The following CFAP299 variants were observed in gnomAD, a reference collection of about 807,000 sequenced individuals.
The protein encoded by CFAP299 is cilia- and flagella-associated protein 299.
In CFAP299, 21 loss-of-function variants were observed where a neutral mutation model predicts 27.0. That is an observed-to-expected ratio of 0.78 (90% CI 0.55 to 1.12). The LOEUF (loss-of-function observed/expected upper bound fraction) is 1.12, where lower values mean the gene tolerates loss of function less well. Ranked by LOEUF, CFAP299 falls within the 50% of genes most tolerant of loss-of-function variation. The pLI, the probability that CFAP299 is intolerant of heterozygous loss-of-function variation, is 0.00. For synonymous variants in CFAP299, 104 were observed against 98.1 expected (o/e 1.06, Z -0.36); for missense variants, 310 against 276.6 (o/e 1.12, Z -0.86).
intron 2 of CFAP299, among the ~76,000 whole-genome samples, chr4:80,578,327 C>T (rs542805509): frequency 6.6e-6 from 1 of 152,300 alleles, no homozygotes; most frequent in South Asian, 2.1e-4. Flanking sequence ...TCTGCATTAA[C>T]TTTCATTCTT....
At chr4:80,668,568 C>G (rs1741260717) in intron 3 of CFAP299, among the ~76,000 whole-genome samples, 1 of 152,122 alleles carries the variant, frequency 6.6e-6, no homozygotes, top group Admixed American at 6.6e-5. Flanking sequence ...GTTCATTCCC[C>G]ATTGTTTGTT....
intron 3 of CFAP299, among the ~76,000 whole-genome samples, chr4:80,732,047 A>G (rs1357070633): frequency 1.5e-5 from 2 of 135,834 alleles, no homozygotes; most frequent in African/African-American, 6.6e-5. Context: ...CCCTGCATTC[A>G]TACACAGACA....
At chr4:80,943,139 G>A (rs891700568) in intron 4 of CFAP299, among the ~76,000 whole-genome samples, 1 of 152,130 alleles carries the variant, frequency 6.6e-6, no homozygotes, top group African/African-American at 2.4e-5. Flanking sequence ...TGTTTTCTTA[G>A]GGAGAATTGA....
chr4:80,946,826 A>G (rs1737503504), intron 5 of CFAP299, among the ~76,000 whole-genome samples: 1 of 152,198 alleles, frequency 6.6e-6, no homozygotes, highest in Non-Finnish European at 1.5e-5. Context: ...GTAGGGGCAA[A>G]GTACAGAAAA....
At chr4:80,882,192 CAAT>C (rs1197110976) in intron 4 of CFAP299, among the ~76,000 whole-genome samples, 1 of 151,948 alleles carries the variant, frequency 6.6e-6, no homozygotes, top group African/African-American at 2.4e-5. Context: ...TGATTTAAAG[CAAT>C]AATGATGGAA....
intron 3 of CFAP299, among the ~76,000 whole-genome samples, chr4:80,863,921 G>C (rs1276443018): frequency 6.6e-6 from 1 of 151,930 alleles, no homozygotes; most frequent in Non-Finnish European, 1.5e-5. Context: ...GAATGAAAAA[G>C]ATCATATATT....
At chr4:80,666,741 C>T (rs1362622336) in intron 3 of CFAP299, among the ~76,000 whole-genome samples, 1 of 152,118 alleles carries the variant, frequency 6.6e-6, no homozygotes, top group Non-Finnish European at 1.5e-5. Flanking sequence ...AACTAAGTCT[C>T]TTCGTGTGAC....
intron 3 of CFAP299, among the ~76,000 whole-genome samples, chr4:80,763,667 A>C (rs979221450): frequency 3.3e-5 from 5 of 152,222 alleles, no homozygotes; most frequent in Non-Finnish European, 7.3e-5. Context: ...AAGCAAAAAG[A>C]ATAAATCTGG....
chr4:80,879,110 C>T (rs1733560135), intron 4 of CFAP299, among the ~76,000 whole-genome samples: 1 of 152,018 alleles, frequency 6.6e-6, no homozygotes, highest in Non-Finnish European at 1.5e-5. Flanking sequence ...TCCATGGGCA[C>T]CACACAATAA....
chr4:80,530,906 C>T (rs1733430653), intron 2 of CFAP299, among the ~76,000 whole-genome samples: 1 of 152,162 alleles, frequency 6.6e-6, no homozygotes, highest in African/African-American at 2.4e-5. Flanking sequence ...AAATGAGATC[C>T]AAGACCTGAG....
rs527321284 is a variant in CFAP299 at position 80,620,468 on chromosome 4, A to G, written c.333+37285A>G. ...TTTTAGGGATAGCAGACATGTTCATATAACAGTTTTGAAAAGAATTTAACA... is the reference window on the plus strand; with the variant it reads ...TTTTAGGGATAGCAGACATGTTCATGTAACAGTTTTGAAAAGAATTTAACA... On this transcript the variant is annotated intron_variant, in intron 3 of 5. Coordinates refer to ENST00000358105, the MANE Select transcript of CFAP299 (RefSeq NM_152770.3). Among the ~76,000 whole-genome samples, 5 of 152,272 alleles carry G rather than the reference A, an allele frequency of 3.3e-5. No homozygotes were observed. The East Asian group carries it at 9.6e-4, about 29-fold the overall frequency.
chr4:80,860,207 T>C (rs1320703841), intron 3 of CFAP299, among the ~76,000 whole-genome samples: 1 of 152,228 alleles, frequency 6.6e-6, no homozygotes, highest in African/African-American at 2.4e-5. Context: ...TCGCATCGGC[T>C]CCTGAGGCTT....
intron 2 of CFAP299, among the ~76,000 whole-genome samples, chr4:80,489,545 T>C (rs1731008693): frequency 6.6e-6 from 1 of 151,920 alleles, no homozygotes; most frequent in African/African-American, 2.4e-5. Flanking sequence ...CATCAAAGAG[T>C]GCCTAGGGAA....
At chr4:80,581,453 GATATATAT>G (rs70944794) in intron 2 of CFAP299, among the ~76,000 whole-genome samples, 1,123 of 102,888 alleles carry the variant, frequency 0.011, 37 homozygotes, top group East Asian at 0.026. Context: ...TATTAAGTGA[GATATATAT>G]ATATATATAT....
chr4:80,438,508 C>T (rs1728200634), intron 2 of CFAP299, among the ~76,000 whole-genome samples: 1 of 152,286 alleles, frequency 6.6e-6, no homozygotes, highest in African/African-American at 2.4e-5. Flanking sequence ...TCTGATTTTT[C>T]TGAGACAATT....
intron 3 of CFAP299, among the ~76,000 whole-genome samples, chr4:80,697,575 C>A (rs1721187191): frequency 6.6e-6 from 1 of 152,152 alleles, no homozygotes; most frequent in South Asian, 2.1e-4. Context: ...TGTTCTGGAC[C>A]TATAAGCTTT....
chr4:80,750,067 C>T (rs1180237338), intron 3 of CFAP299, among the ~76,000 whole-genome samples: 1 of 152,118 alleles, frequency 6.6e-6, no homozygotes, highest in Non-Finnish European at 1.5e-5. Context: ...ATATTCCAAA[C>T]TATGACACAG....
At chr4:80,489,580 G>A (rs1354236707) in intron 2 of CFAP299, among the ~76,000 whole-genome samples, 2 of 152,144 alleles carry the variant, frequency 1.3e-5, no homozygotes, top group Non-Finnish European at 2.9e-5. Flanking sequence ...CCAAGTTTAT[G>A]TATAATGAAG....
chr4:80,892,955 A>G (rs1734418169), intron 4 of CFAP299, among the ~76,000 whole-genome samples: 1 of 152,048 alleles, frequency 6.6e-6, no homozygotes, highest in Admixed American at 6.6e-5. Context: ...TTTGCAGATG[A>G]CATAATCTTA....
Sources: gnomAD v4.1 joint callset for allele counts (sites outside exome capture counted in the v4.1 genomes callset) on GRCh38, gnomAD v4.1.1 for gene constraint, MANE v1.5 for transcripts, NCBI Gene and HGNC (gene_info 2026-07-23, HGNC 2026-07-21) for gene names.